Variants in NYAP2 observed in about 807,000 individuals in gnomAD.
NYAP2 encodes neuronal tyrosine-phosphorylated phosphoinositide-3-kinase adapter 2.
A neutral mutation model predicts 50.4 loss-of-function variants in NYAP2; 23 were observed. The ratio of observed to expected loss-of-function variants is 0.46; its 90% CI spans 0.33 to 0.65. NYAP2 has a LOEUF of 0.65. NYAP2 is among the 30% of genes least tolerant of loss of function. NYAP2 has a pLI of 0.02. For missense variants in NYAP2, 885 were observed against 861.0 expected (o/e 1.03, Z -0.35); for synonymous variants, 394 against 365.2 (o/e 1.08, Z -0.90).
intron 3 of NYAP2, among the ~76,000 whole-genome samples, chr2:225,495,887 T>C (rs1018029798): frequency 3.3e-5 from 5 of 152,218 alleles, no homozygotes; most frequent in African/African-American, 9.6e-5. Flanking sequence ...ATCTGGTTTG[T>C]TGCTGAGGTC....
Position 225,582,924 on chromosome 2 carries a change from C to T in NYAP2, c.1507C>T (p.Arg503Trp), listed in dbSNP as rs752903462. 15 of 1,612,796 alleles carry T rather than the reference C, an allele frequency of 9.3e-6. No individual in the cohort carries two copies. In the Admixed American group the frequency reaches 1.7e-4, roughly 18 times the overall value. ...CTACGGGGCAGCCCCGGGTGGCTCC[C>T]GGTCCCGGACACCCACGAGCCCGCT... Residue 503 changes from arginine (R) to tryptophan (W), a missense_variant, in exon 5 of 7, where the codon CGG (arginine) becomes TGG (tryptophan). Transcript: ENST00000636099. The surrounding 1 kb of genome is among the most constrained non-coding windows in gnomAD (Gnocchi z 7.0).
intron 3 of NYAP2, among the ~76,000 whole-genome samples, chr2:225,468,291 G>C (rs770687914): frequency 8.5e-5 from 13 of 152,066 alleles, no homozygotes; most frequent in African/African-American, 1.2e-4. Context: ...ATGTGTAGAC[G>C]TAGGCAGAGA....
chr2:225,511,847 C>T (rs752434686), intron 3 of NYAP2, among the ~76,000 whole-genome samples: 1 of 152,076 alleles, frequency 6.6e-6, no homozygotes, highest in Non-Finnish European at 1.5e-5. Flanking sequence ...AAGGCAGAGC[C>T]AGCCAAAATT....
rs549819591 is a variant in NYAP2 at position 225,576,489 on chromosome 2, G to A, written c.524-5452G>A. 1.1e-4 allele frequency among the ~76,000 whole-genome samples: 16 copies of A among 152,340 alleles called. 1 individual carries two copies. In the South Asian group the frequency reaches 3.1e-3, roughly 30 times the overall value. ...TAAAAATATCCTTCAGAGTCATGGAGTTGTGAGTTGTGAAAAGAGTTATTG... is the reference window on the plus strand; with the variant it reads ...TAAAAATATCCTTCAGAGTCATGGAATTGTGAGTTGTGAAAAGAGTTATTG... On this transcript the variant is annotated intron_variant, in intron 4 of 6. Transcript: ENST00000636099.
chr2:225,648,308 A>G (rs1237902638), intron 6 of NYAP2, among the ~76,000 whole-genome samples: 8 of 152,010 alleles, frequency 5.3e-5, no homozygotes, highest in African/African-American at 1.9e-4. Flanking sequence ...CCCAAATAGT[A>G]TATATTTTAG....
chr2:225,525,481 A>T (rs899446977), intron 4 of NYAP2, among the ~76,000 whole-genome samples: 2 of 152,132 alleles, frequency 1.3e-5, no homozygotes, highest in African/African-American at 4.8e-5. Flanking sequence ...ATCAGATTAG[A>T]TGGAACTGGA....
intron 3 of NYAP2, among the ~76,000 whole-genome samples, chr2:225,416,379 A>G (rs1695122715): frequency 6.6e-6 from 1 of 152,160 alleles, no homozygotes; most frequent in African/African-American, 2.4e-5. Context: ...AACTTATGCT[A>G]GGTGCTCTAT....
intron 6 of NYAP2, among the ~76,000 whole-genome samples, chr2:225,644,417 T>C (rs1693591602): frequency 6.6e-6 from 1 of 151,528 alleles, no homozygotes; most frequent in Non-Finnish European, 1.5e-5. Flanking sequence ...TGGTAGTTTC[T>C]TTTGCTGTGC....
intron 3 of NYAP2, among the ~76,000 whole-genome samples, chr2:225,418,198 G>A (rs913856129): frequency 6.6e-5 from 10 of 152,242 alleles, no homozygotes; most frequent in African/African-American, 1.4e-4. Flanking sequence ...AGAAAAGGTC[G>A]TAATGGGGAG....
intron 3 of NYAP2, among the ~76,000 whole-genome samples, chr2:225,495,585 G>A (rs939273140): frequency 6.6e-6 from 1 of 151,982 alleles, no homozygotes; most frequent in Non-Finnish European, 1.5e-5. Flanking sequence ...AATGACTAGG[G>A]CCTAGCACAC....
intron 6 of NYAP2, among the ~76,000 whole-genome samples, chr2:225,643,418 T>A (rs1022170148): frequency 2.0e-5 from 3 of 152,168 alleles, no homozygotes; most frequent in African/African-American, 7.2e-5. Flanking sequence ...TTTTCTTTTT[T>A]TCGGCTCCCT....
intron 3 of NYAP2, among the ~76,000 whole-genome samples, chr2:225,438,693 C>T (rs552054670): frequency 1.3e-5 from 2 of 152,308 alleles, no homozygotes; most frequent in African/African-American, 4.8e-5. Flanking sequence ...GTTCATTCAT[C>T]TACTCATTTA....
intron 3 of NYAP2, among the ~76,000 whole-genome samples, chr2:225,410,087 A>G (rs370270081): frequency 1.3e-5 from 2 of 152,224 alleles, no homozygotes; most frequent in East Asian, 1.9e-4. Flanking sequence ...TGAATTATTC[A>G]TGCTTATAAA....
Position 225,649,569 on chromosome 2 carries a change from G to A in NYAP2, c.1829-1863G>A, listed in dbSNP as rs78871611. On this transcript the variant is annotated intron_variant, in intron 6 of 6. Transcript: ENST00000636099. Reference sequence around the variant, plus strand: ...GTCTCTCCCCTGAGAATACATAAACGTCATTAGAATATGGAGTCTCCAACT... The same window carrying A: ...GTCTCTCCCCTGAGAATACATAAACATCATTAGAATATGGAGTCTCCAACT... Among the ~76,000 whole-genome samples, 1,090 of 152,236 alleles carry A rather than the reference G, an allele frequency of 7.2e-3. 18 individuals are homozygous for A. The highest frequency in any genetic ancestry group is 0.025 in the African/African-American group (1,036 of 41,520).
chr2:225,579,399 G>T (rs1316803560), intron 4 of NYAP2, among the ~76,000 whole-genome samples: 1 of 152,176 alleles, frequency 6.6e-6, no homozygotes, highest in African/African-American at 2.4e-5. Context: ...GAAATTGTTT[G>T]TAAATGGATT....
chr2:225,533,315 ATTAT>A (rs1691290631), intron 4 of NYAP2, among the ~76,000 whole-genome samples: 1 of 152,110 alleles, frequency 6.6e-6, no homozygotes, highest in Non-Finnish European at 1.5e-5. Flanking sequence ...ATATACAATC[ATTAT>A]TTAAGGAGTC....
chr2:225,651,539 C>G lies in NYAP2; in HGVS notation c.1936C>G (p.Pro646Ala). 1 of 1,614,010 alleles carries G rather than the reference C, an allele frequency of 6.2e-7. No homozygotes were observed. Among genetic ancestry groups the G allele is most frequent in the Non-Finnish European group, 8.5e-7 (1 of 1,179,872 alleles). Residue 646 changes from proline (P) to alanine (A), a missense_variant, in exon 7 of 7, where the codon CCA (proline) becomes GCA (alanine). Physicochemically the swap from Pro to Ala is conservative, Grantham distance 27 (BLOSUM62 -1). Transcript: ENST00000636099. ...CAGTGACCTGCAACAGAGCCAGGTA[C>G]CATCATCGTTAGCCAATCGTGATTG... is the stretch of plus-strand genomic sequence containing the variant.
intron 2 of NYAP2, among the ~76,000 whole-genome samples, chr2:225,406,104 C>G (rs1017606378): frequency 6.6e-6 from 1 of 150,516 alleles, no homozygotes; most frequent in African/African-American, 2.5e-5. Flanking sequence ...CTATTCCAAC[C>G]ACTATTTTTT....
At chr2:225,509,068 G>T (rs1690763085) in intron 3 of NYAP2, among the ~76,000 whole-genome samples, 1 of 152,120 alleles carries the variant, frequency 6.6e-6, no homozygotes, top group Non-Finnish European at 1.5e-5. Flanking sequence ...GTTTGTATGG[G>T]AGCTACGACT....
Sources: allele counts gnomAD v4.1 joint callset (sites outside exome capture counted in the v4.1 genomes callset), GRCh38; gene constraint gnomAD v4.1.1; non-coding constraint Gnocchi (gnomAD v3.1); transcripts MANE v1.5; gene names NCBI Gene and HGNC (gene_info 2026-07-23, HGNC 2026-07-21).